TRHDE: variants seen among roughly 807,000 people sequenced by gnomAD.
TRHDE encodes thyrotropin releasing hormone degrading enzyme.
A neutral mutation model predicts 125.7 loss-of-function variants in TRHDE; 72 were observed. That is an observed-to-expected ratio of 0.57 (90% CI 0.47 to 0.70). The LOEUF (loss-of-function observed/expected upper bound fraction) is 0.70. TRHDE is among the 30% of genes least tolerant of loss of function. The pLI is 0.00. For missense variants in TRHDE, 1,110 were observed against 1,327.1 expected, an observed-to-expected ratio of 0.84 and a Z score of 2.54; for synonymous variants, 509 against 509.1, an observed-to-expected ratio of 1.00 and a Z score of 0.00.
At chr12:72,542,759 T>C (rs1869216644) in intron 7 of TRHDE, among the ~76,000 whole-genome samples, 1 of 151,318 alleles carries the variant, frequency 6.6e-6, no homozygotes, top group Non-Finnish European at 1.5e-5. Flanking sequence ...AATATGCGCC[T>C]TTTAGGTTTT....
intron 2 of TRHDE, among the ~76,000 whole-genome samples, chr12:72,363,834 C>G (rs1238346360): frequency 6.6e-6 from 1 of 151,830 alleles, no homozygotes; most frequent in African/African-American, 2.4e-5. Context: ...TCAAATTGTC[C>G]CTGTTTGCAG....
intron 15 of TRHDE, among the ~76,000 whole-genome samples, chr12:72,631,217 C>T (rs1873481939): frequency 6.6e-6 from 1 of 151,606 alleles, no homozygotes; most frequent in East Asian, 1.9e-4. Flanking sequence ...CATGTATACA[C>T]CTTAAATATT....
intron 3 of TRHDE, among the ~76,000 whole-genome samples, chr12:72,399,673 G>C (rs967744579): frequency 2.0e-5 from 3 of 151,960 alleles, no homozygotes; most frequent in Non-Finnish European, 4.4e-5. Context: ...AGACATATAA[G>C]CTCAAAAATA....
chr12:72,653,431 G>A (rs900878159), intron 17 of TRHDE, among the ~76,000 whole-genome samples: 1 of 152,052 alleles, frequency 6.6e-6, no homozygotes, highest in Non-Finnish European at 1.5e-5. Flanking sequence ...CTATCAGACT[G>A]TCCAAAGTTG....
intron 2 of TRHDE, chr12:72,254,545 C>T (rs1255657856): frequency 1.3e-5 from 2 of 152,184 alleles, no homozygotes; most frequent in Admixed American, 1.3e-4. Context: ...ATTAGTATAT[C>T]CTTTTCCTTT....
chr12:72,650,692 G>GT (rs145159273), intron 15 of TRHDE, among the ~76,000 whole-genome samples: 39 of 150,486 alleles, frequency 2.6e-4, no homozygotes, highest in Admixed American at 5.3e-4. Flanking sequence ...ATATTTTGTT[G>GT]TTTTTTTTTC....
intron 15 of TRHDE, among the ~76,000 whole-genome samples, chr12:72,640,042 C>G (rs1435320024): frequency 2.6e-5 from 4 of 152,216 alleles, no homozygotes; most frequent in Admixed American, 1.3e-4. Flanking sequence ...CCAGTTCCAG[C>G]TTCCCTGCTG....
intron 2 of TRHDE, among the ~76,000 whole-genome samples, chr12:72,148,467 C>G (rs1258625853): frequency 6.6e-6 from 1 of 152,186 alleles, no homozygotes; most frequent in Non-Finnish European, 1.5e-5. Context: ...TTTTTACTCT[C>G]ATTTCTGTTT....
intron 6 of TRHDE, among the ~76,000 whole-genome samples, chr12:72,514,788 T>A (rs1279202693): frequency 4.8e-5 from 3 of 62,986 alleles, no homozygotes; most frequent in Non-Finnish European, 2.8e-5. Flanking sequence ...CCCTCCCCCC[T>A]CCCCCCACCC....
rs374452136 is a variant in TRHDE, at chr12:72,489,875, G to A, written c.1585-9623G>A. On this transcript the variant is annotated intron_variant, in intron 5 of 18. Coordinates refer to ENST00000261180, the MANE Select transcript of TRHDE (RefSeq NM_013381.3). Reference sequence around the variant, plus strand: ...GGGTAAGACCTAAATGTAAGAACTGGAACTATAACACTTTTAGATGAGAAC... The same window carrying A: ...GGGTAAGACCTAAATGTAAGAACTGAAACTATAACACTTTTAGATGAGAAC... Among the ~76,000 whole-genome samples, 175 of 151,870 alleles carry A rather than the reference G, an allele frequency of 1.2e-3. 2 individuals are homozygous for A. The highest frequency in any genetic ancestry group is 4.1e-3 in the African/African-American group (170 of 41,494).
At chr12:72,493,476 T>G (rs568013710) in intron 5 of TRHDE, among the ~76,000 whole-genome samples, 1 of 152,100 alleles carries the variant, frequency 6.6e-6, no homozygotes, top group East Asian at 1.9e-4. Context: ...ACATATTGTG[T>G]GCCATTTGTG....
chr12:72,134,441 C>T (rs1382077352), intron 2 of TRHDE, among the ~76,000 whole-genome samples: 1 of 152,200 alleles, frequency 6.6e-6, no homozygotes, highest in Non-Finnish European at 1.5e-5. Context: ...AGCCCTGTTA[C>T]TTAGGGATAG....
chr12:72,185,201 G>A (rs1408467186), intron 2 of TRHDE, among the ~76,000 whole-genome samples: 1 of 152,236 alleles, frequency 6.6e-6, no homozygotes, highest in East Asian at 1.9e-4. Flanking sequence ...CAGTGGCTCC[G>A]GAGGGTGTAC....
chr12:72,339,969 A>G (rs150470747), intron 2 of TRHDE, among the ~76,000 whole-genome samples: 342 of 152,322 alleles, frequency 2.2e-3, no homozygotes, highest in African/African-American at 7.9e-3. Context: ...TCGATTTGTG[A>G]CAACACTGAA....
At chr12:72,629,371 G>C (rs1192185517) in intron 15 of TRHDE, among the ~76,000 whole-genome samples, 1 of 151,310 alleles carries the variant, frequency 6.6e-6, no homozygotes, top group African/African-American at 2.4e-5. Flanking sequence ...CAGTATAATT[G>C]GATCTCCCCC....
Position 72,375,944 on chromosome 12 carries a change from G to A in TRHDE, c.1189-2051G>A, listed in dbSNP as rs74104866. Among the ~76,000 whole-genome samples the A allele has an allele frequency of 4.6e-3, 699 of 152,262 alleles. 9 individuals carry two copies. The highest frequency in any genetic ancestry group is 0.016 in the African/African-American group (669 of 41,544). On this transcript the variant is annotated intron_variant, in intron 2 of 18. Transcript: ENST00000261180. Reference sequence around the variant, plus strand: ...ACAGACAGACTAGATCCCTTTTCCTGTTTGGTATGCACGTCTTCTAGCTTC... The same window carrying A: ...ACAGACAGACTAGATCCCTTTTCCTATTTGGTATGCACGTCTTCTAGCTTC...
chr12:72,400,357 C>T (rs1347944308), intron 3 of TRHDE, among the ~76,000 whole-genome samples: 1 of 152,088 alleles, frequency 6.6e-6, no homozygotes, highest in African/African-American at 2.4e-5. Context: ...TTGGTACGAG[C>T]AATTCTTTTG....
chr12:72,131,179 T>C (rs1016517757), intron 2 of TRHDE, among the ~76,000 whole-genome samples: 30 of 151,116 alleles, frequency 2.0e-4, no homozygotes, highest in East Asian at 5.8e-4. Flanking sequence ...TCACGCCATT[T>C]TCCTGCCTCA....
At chr12:72,394,333 C>A (rs777365944) in intron 3 of TRHDE, among the ~76,000 whole-genome samples, 9 of 152,102 alleles carry the variant, frequency 5.9e-5, no homozygotes, top group African/African-American at 9.7e-5. Context: ...GAATTGCACA[C>A]CTTTTACCTC....
Sources: allele counts gnomAD v4.1 joint callset (sites outside exome capture counted in the v4.1 genomes callset), GRCh38; gene constraint gnomAD v4.1.1; transcripts MANE v1.5; gene names NCBI Gene and HGNC (gene_info 2026-07-23, HGNC 2026-07-21).